SH3TC2: variants seen among roughly 807,000 people sequenced by gnomAD.
SH3TC2 encodes the protein SH3 domain and tetratricopeptide repeat-containing protein 2.
A neutral mutation model predicts 124.5 loss-of-function variants in SH3TC2; 87 were observed. That is an observed-to-expected ratio of 0.70 (90% CI 0.59 to 0.84). SH3TC2 has a LOEUF of 0.84. Ranked by LOEUF, SH3TC2 falls within the 40% of genes least tolerant of loss-of-function variation. The pLI is 0.00. For synonymous variants in SH3TC2, 634 were observed against 628.5 expected (o/e 1.01, Z -0.13); for missense variants, 1,536 against 1,566.4 (o/e 0.98, Z 0.33).
In SH3TC2 at chr5:148,994,097, C is replaced by T. The variant is rs114217114; in HGVS notation, c.*10614G>A. 4.5e-3 allele frequency among the ~76,000 whole-genome samples: 688 copies of T among 152,300 alleles called. 6 individuals are homozygous for T. Among genetic ancestry groups the T allele is most frequent in the African/African-American group, 0.016 (671 of 41,564 alleles). ...TCAGTCTACTACCATGCATCCCAGA[C>T]AGGATGTTCAGGTGAACAAGATCTA... On this transcript the variant is annotated 3_prime_UTR_variant, in exon 17 of 17. Coordinates refer to ENST00000515425, the MANE Select transcript of SH3TC2 (RefSeq NM_024577.4).
rs1561749931 is a variant in SH3TC2, at chr5:148,988,979, TACTGAGCCCAG to T, written c.*15721_*15731del. ...TCCCTTATCTGGTCTAGTTGTGCCC[TACTGAGCCCAG>T]ACATGAAGGAAATAAAAAAACAACC... On this transcript the variant is annotated 3_prime_UTR_variant, in exon 17 of 17. Transcript: ENST00000515425. Among the ~76,000 whole-genome samples, 1 of 152,186 alleles carries T rather than the reference TACTGAGCCCAG, an allele frequency of 6.6e-6. No individual in the cohort carries two copies. The highest frequency in any genetic ancestry group is 6.5e-5 in the Admixed American group (1 of 15,274).
At chr5:149,019,126 G>A (rs1414238390) in intron 12 of SH3TC2, among the ~76,000 whole-genome samples, 2 of 152,150 alleles carry the variant, frequency 1.3e-5, no homozygotes, top group African/African-American at 2.4e-5. Context: ...GAAAAAAATT[G>A]CTCCAACAGA....
At chr5:149,010,144 A>T in intron 14 of SH3TC2, 126 bp downstream of exon 14, 1 of 1,355,804 alleles carries the variant, frequency 7.4e-7, no homozygotes, top group Non-Finnish European at 1.0e-6. Flanking sequence ...TGGGCACTGG[A>T]CAAGAAAGAG....
chr5:149,028,385 G>C lies in SH3TC2; in HGVS notation c.1347C>G (p.Asp449Glu). ...YRLPEPDDLDDPELLMDLSTG... is the reference protein window; with the variant it reads ...YRLPEPDDLDEPELLMDLSTG... ...TGCTTAGGTCCATGAGCAGTTCCGG[G>C]TCATCAAGGTCATCAGGCTCCGGCA... Residue 449 changes from aspartate (D) to glutamate (E), a missense_variant, in exon 11 of 17, where the codon GAC becomes GAG. Asp to Glu is a conservative substitution (Grantham distance 45). Transcript: ENST00000515425. 6.2e-7 allele frequency: 1 copy of C among 1,614,106 alleles called. No homozygotes were observed. Among genetic ancestry groups the C allele is most frequent in the Non-Finnish European group, 8.5e-7 (1 of 1,180,030 alleles).
At position 148,992,132 on chromosome 5, in the gene SH3TC2, T is replaced by C. The variant is rs772925748; in HGVS notation, c.*12579A>G. Reference sequence around the variant, plus strand: ...TAATAAGAGGTAACAATTGAACATTTAGCTGTTTCATCCAACAGCCCTATG... The same window carrying C: ...TAATAAGAGGTAACAATTGAACATTCAGCTGTTTCATCCAACAGCCCTATG... On this transcript the variant is annotated 3_prime_UTR_variant, in exon 17 of 17. Coordinates refer to ENST00000515425, the MANE Select transcript of SH3TC2 (RefSeq NM_024577.4). Among the ~76,000 whole-genome samples the C allele has an allele frequency of 6.6e-6, 1 of 152,254 alleles. No individual in the cohort carries two copies. Among genetic ancestry groups the C allele is most frequent in the African/African-American group, 2.4e-5 (1 of 41,478 alleles).
intron 16 of SH3TC2, 105 bp from the exon 17 acceptor site, chr5:149,005,007 T>A: frequency 7.5e-7 from 1 of 1,327,508 alleles, no homozygotes; most frequent in Non-Finnish European, 1.1e-6. Context: ...TTTGTTTGTT[T>A]GTTTGTTTGT....
At chr5:149,021,956 C>A (rs1303698665) in intron 12 of SH3TC2, among the ~76,000 whole-genome samples, 1 of 29,006 alleles carries the variant, frequency 3.4e-5, no homozygotes, top group Non-Finnish European at 4.9e-5. Context: ...CTCTGTCGCC[C>A]AGGCTGGAGT....
At chr5:149,017,028 T>C (rs974827228) in intron 12 of SH3TC2, among the ~76,000 whole-genome samples, 1 of 152,164 alleles carries the variant, frequency 6.6e-6, no homozygotes, top group Non-Finnish European at 1.5e-5. Context: ...GGACCTATTA[T>C]ATGCAAGGCA....
rs534294691 is a variant in SH3TC2 at position 149,035,096 on chromosome 5, T to G, written c.1001+3199A>C. On this transcript the variant is annotated intron_variant, in intron 8 of 16. Coordinates refer to ENST00000515425, the MANE Select transcript of SH3TC2 (RefSeq NM_024577.4). ...AATATGTAATAAAATATATTACACG[T>G]AGACACATCATGCAAATAAATGGCT... Among the ~76,000 whole-genome samples, 41 of 152,284 alleles carry G rather than the reference T, an allele frequency of 2.7e-4. 2 individuals carry two copies. Among genetic ancestry groups the G allele is most frequent in the African/African-American group, 7.2e-5 (3 of 41,546 alleles).
intron 12 of SH3TC2, among the ~76,000 whole-genome samples, chr5:149,016,473 T>A (rs549931656): frequency 6.6e-6 from 1 of 152,226 alleles, no homozygotes; most frequent in Non-Finnish European, 1.5e-5. Flanking sequence ...TATAGCCTTG[T>A]GATCAGATGA....
At chr5:149,047,498 A>G (rs1754484208) in intron 3 of SH3TC2, 1 of 314,998 alleles carries the variant, frequency 3.2e-6, no homozygotes. Flanking sequence ...ATATTGTATC[A>G]CAGTAAAAAA....
chr5:149,026,079 G>A (rs1478480406), intron 12 of SH3TC2: 1 of 156,498 alleles, frequency 6.4e-6, no homozygotes, highest in Non-Finnish European at 1.4e-5. Context: ...TTACACCCCT[G>A]CTTTCAGTGG....
intron 9 of SH3TC2, among the ~76,000 whole-genome samples, chr5:149,028,938 C>G (rs1019009534): frequency 2.0e-5 from 3 of 147,878 alleles, no homozygotes; most frequent in Non-Finnish European, 4.4e-5. Flanking sequence ...AGTTGGGAAC[C>G]AAGGTATACG....
intron 12 of SH3TC2, among the ~76,000 whole-genome samples, chr5:149,021,351 C>A (rs1448074219): frequency 1.3e-5 from 2 of 151,794 alleles, no homozygotes; most frequent in Non-Finnish European, 2.9e-5. Flanking sequence ...CAAATCAATA[C>A]CTAATATTCC....
At chr5:149,042,451 T>C (rs1481880727) in intron 5 of SH3TC2, among the ~76,000 whole-genome samples, 1 of 152,174 alleles carries the variant, frequency 6.6e-6, no homozygotes, top group African/African-American at 2.4e-5. Flanking sequence ...CTGGCTTGGG[T>C]ATCTTAGTAA....
chr5:149,056,675 G>A (rs1183210156), intron 1 of SH3TC2, among the ~76,000 whole-genome samples: 3 of 152,174 alleles, frequency 2.0e-5, no homozygotes, highest in Admixed American at 2.0e-4. Context: ...CGGATCCCAT[G>A]AGCCAGAAGG....
chr5:149,010,173 C>A, intron 14 of SH3TC2, 97 bp downstream of exon 14: 1 of 1,537,446 alleles, frequency 6.5e-7, no homozygotes, highest in Non-Finnish European at 9.0e-7. Context: ...GAAATACAAG[C>A]AAGAGAGGAG....
At chr5:149,046,749 C>T (rs1173566852) in intron 3 of SH3TC2, 1 of 152,182 alleles carries the variant, frequency 6.6e-6, no homozygotes, top group African/African-American at 2.4e-5. Flanking sequence ...CCTGCCATAC[C>T]AAATGAGACT....
intron 14 of SH3TC2, among the ~76,000 whole-genome samples, 167 bp downstream of exon 14, chr5:149,010,103 C>T (rs1753758678): frequency 6.6e-6 from 1 of 152,132 alleles, no homozygotes; most frequent in Non-Finnish European, 1.5e-5. Flanking sequence ...CTTCCCTGAG[C>T]TCCCACTAGG....
Sources: allele counts gnomAD v4.1 joint callset (sites outside exome capture counted in the v4.1 genomes callset), GRCh38; gene constraint gnomAD v4.1.1; transcripts MANE v1.5; gene names NCBI Gene and HGNC (gene_info 2026-07-23, HGNC 2026-07-21).